The following MLIP variants were observed in gnomAD, a reference collection of about 807,000 sequenced individuals.
MLIP encodes the protein muscular LMNA interacting protein, also known as muscular LMNA-interacting protein.
A neutral mutation model predicts 84.8 loss-of-function variants in MLIP; 79 were observed. That is an observed-to-expected ratio of 0.93 (90% CI 0.78 to 1.12). The LOEUF (loss-of-function observed/expected upper bound fraction) is 1.12. Ranked by LOEUF, MLIP falls within the 50% of genes most tolerant of loss-of-function variation. MLIP has a pLI of 0.00. For missense variants in MLIP, 1,257 were observed against 1,160.6 expected, an observed-to-expected ratio of 1.08 and a Z score of -1.21; for synonymous variants, 504 against 463.0, an observed-to-expected ratio of 1.09 and a Z score of -1.14.
chr6:54,081,247 A>G (rs1462556418), intron 1 of MLIP, among the ~76,000 whole-genome samples: 1 of 152,074 alleles, frequency 6.6e-6, no homozygotes, highest in Admixed American at 6.6e-5. Flanking sequence ...GCAGGTCTCC[A>G]TGGTGGCGGT....
At chr6:54,188,943 A>G (rs911800836) in intron 9 of MLIP, among the ~76,000 whole-genome samples, 1 of 152,200 alleles carries the variant, frequency 6.6e-6, no homozygotes, top group Admixed American at 6.5e-5. Flanking sequence ...AGTCTGTGGG[A>G]CAGCATCTGC....
At chr6:54,082,657 T>C (rs568937095) in intron 1 of MLIP, among the ~76,000 whole-genome samples, 1 of 152,296 alleles carries the variant, frequency 6.6e-6, no homozygotes, top group Non-Finnish European at 1.5e-5. Context: ...CTCCACATTC[T>C]CACTAGCATT....
intron 1 of MLIP, among the ~76,000 whole-genome samples, chr6:54,055,948 G>T (rs1376892853): frequency 1.3e-5 from 2 of 151,880 alleles, no homozygotes; most frequent in Non-Finnish European, 2.9e-5. Context: ...TTTGATGTGG[G>T]TTATCTGTGA....
chr6:54,045,595 A>T (rs979414439), intron 1 of MLIP: 1 of 152,036 alleles, frequency 6.6e-6, no homozygotes, highest in Non-Finnish European at 1.5e-5. Context: ...TTTAATCCCC[A>T]GTGTTGGAAG....
At chr6:54,194,415 A>G (rs1045732087) in intron 10 of MLIP, among the ~76,000 whole-genome samples, 2 of 152,062 alleles carry the variant, frequency 1.3e-5, no homozygotes, top group African/African-American at 4.8e-5. Context: ...CTTTTATTTA[A>G]CCATTGAAAT....
chr6:54,152,417 T>A (rs904611225), intron 5 of MLIP, among the ~76,000 whole-genome samples: 3 of 152,146 alleles, frequency 2.0e-5, no homozygotes, highest in East Asian at 1.9e-4. Flanking sequence ...GACTTACAGT[T>A]CCACATGGCT....
At chr6:54,081,975 C>T (rs890942752) in intron 1 of MLIP, among the ~76,000 whole-genome samples, 3 of 151,972 alleles carry the variant, frequency 2.0e-5, no homozygotes, top group Non-Finnish European at 2.9e-5. Flanking sequence ...CTCCCTGTCT[C>T]ATTCTCCCCA....
At chr6:54,158,098 A>G (rs1269592067) in intron 5 of MLIP, among the ~76,000 whole-genome samples, 1 of 152,080 alleles carries the variant, frequency 6.6e-6, no homozygotes, top group Admixed American at 6.6e-5. Flanking sequence ...TGGACCTGGT[A>G]CCTCTTGGTC....
intron 11 of MLIP, among the ~76,000 whole-genome samples, chr6:54,210,703 C>T (rs1350986516): frequency 8.5e-6 from 1 of 117,500 alleles, no homozygotes; most frequent in Non-Finnish European, 1.7e-5. Context: ...CCCCTGTGTG[C>T]ATTTACAATA....
chr6:54,026,387 T>C lies in MLIP; in HGVS notation c.63+7296T>C, dbSNP rs574016487. Among the ~76,000 whole-genome samples, 103 of 152,338 alleles carry C rather than the reference T, an allele frequency of 6.8e-4. 1 individual carries two copies. The highest frequency in any genetic ancestry group is 2.4e-3 in the African/African-American group (100 of 41,582). Reference sequence around the variant, plus strand: ...CATTTGGCAGACCAAAGTGAAAAACTAAGTAGTTGAAAAACTTAAATCTCT... The same window carrying C: ...CATTTGGCAGACCAAAGTGAAAAACCAAGTAGTTGAAAAACTTAAATCTCT... On this transcript the variant is annotated intron_variant, in intron 1 of 12. Coordinates refer to the MLIP transcript ENST00000274897.
chr6:54,221,231 A>G (rs1214394757), intron 11 of MLIP, among the ~76,000 whole-genome samples: 1 of 151,954 alleles, frequency 6.6e-6, no homozygotes, highest in African/African-American at 2.4e-5. Context: ...CATACCCCAA[A>G]CCCTGGGCAC....
chr6:54,100,540 A>G (rs1768566045), intron 1 of MLIP, among the ~76,000 whole-genome samples: 1 of 152,100 alleles, frequency 6.6e-6, no homozygotes. Flanking sequence ...AAAGCTTTCT[A>G]TTAACTAATG....
chr6:54,248,334 A>G (rs1313272709), intron 12 of MLIP, among the ~76,000 whole-genome samples: 1 of 152,190 alleles, frequency 6.6e-6, no homozygotes, highest in African/African-American at 2.4e-5. Flanking sequence ...AGACAAAAAG[A>G]ACAACAAATA....
chr6:54,107,777 C>T (rs1198895453), upstream of MLIP, among the ~76,000 whole-genome samples: 1 of 152,118 alleles, frequency 6.6e-6, no homozygotes, highest in Non-Finnish European at 1.5e-5. Context: ...TATTTTATGT[C>T]TTCAGAGCTT....
Position 54,124,843 on chromosome 6 carries a change from C to A in MLIP, c.623C>A (p.Ala208Asp). The change falls in exon 3 of 14, where the codon GCC (alanine) becomes GAC (aspartate). Residue 208 changes from alanine (A) to aspartate (D), a missense_variant. Coordinates refer to ENST00000502396, the MANE Select transcript of MLIP (RefSeq NM_001281747.2). ...CATCCTGAAATGCTTCATGGGATGG[C>A]CCCTCAGCAAAAGCATGGGCAGGTA... Reference protein sequence around the residue: ...SSHPEMLHGMAPQQKHGQLTS... With the variant: ...SSHPEMLHGMDPQQKHGQLTS... 1 of 1,596,266 alleles carries A rather than the reference C, an allele frequency of 6.3e-7. No individual in the cohort carries two copies.
chr6:54,258,812 A>G (rs532510888), intron 13 of MLIP, among the ~76,000 whole-genome samples: 1 of 152,136 alleles, frequency 6.6e-6, no homozygotes, highest in South Asian at 2.1e-4. Flanking sequence ...TCTAAAGTCA[A>G]ATAGCTAGGA....
At chr6:54,147,632 T>C (rs1193927849) in intron 4 of MLIP, among the ~76,000 whole-genome samples, 1 of 152,140 alleles carries the variant, frequency 6.6e-6, no homozygotes, top group Admixed American at 6.6e-5. Context: ...CAGAGTACTT[T>C]TTTGGGAAAA....
At chr6:54,097,255 C>A (rs1768280463) in intron 1 of MLIP, among the ~76,000 whole-genome samples, 1 of 152,114 alleles carries the variant, frequency 6.6e-6, no homozygotes, top group Admixed American at 6.6e-5. Flanking sequence ...TAGAGGGAAG[C>A]CCTTATCATC....
At chr6:54,214,353 G>A (rs1195252932) in intron 11 of MLIP, among the ~76,000 whole-genome samples, 1 of 152,144 alleles carries the variant, frequency 6.6e-6, no homozygotes, top group Admixed American at 6.5e-5. Context: ...GATTTACTTG[G>A]CAATCGCTGG....
Sources: gnomAD v4.1 joint callset for allele counts (sites outside exome capture counted in the v4.1 genomes callset) on GRCh38, gnomAD v4.1.1 for gene constraint, MANE v1.5 for transcripts, NCBI Gene and HGNC (gene_info 2026-07-23, HGNC 2026-07-21) for gene names.